Variants in CSRNP3 observed in about 807,000 individuals in gnomAD.
The protein encoded by CSRNP3 is cysteine/serine-rich nuclear protein 3.
CSRNP3 carries 12 observed loss-of-function variants against 48.0 expected under a neutral mutation model. The observed-to-expected ratio is 0.25, with a 90% CI of 0.16 to 0.41. CSRNP3 has a LOEUF of 0.41. Among genes scored for constraint, CSRNP3 ranks in the 10% least tolerant of loss-of-function variants. The pLI is 1.00. For synonymous variants in CSRNP3, 263 were observed against 269.7 expected (o/e 0.98, Z 0.24); for missense variants, 580 against 724.4 (o/e 0.80, Z 2.29).
At chr2:165,525,616 G>A (rs1453873506) in intron 3 of CSRNP3, among the ~76,000 whole-genome samples, 4 of 151,440 alleles carry the variant, frequency 2.6e-5, no homozygotes, top group African/African-American at 9.7e-5. Flanking sequence ...CTCCCAAAAA[G>A]CTGGGACTAC....
rs552180385 is a variant in CSRNP3 at position 165,478,359 on chromosome 2, A to G, written c.-283+8619A>G. Among the ~76,000 whole-genome samples the G allele has an allele frequency of 2.6e-5, 4 of 152,332 alleles. No homozygotes were observed. The South Asian group carries it at 8.3e-4, about 32-fold the overall frequency. Reference sequence around the variant, plus strand: ...TGTGTTCATTCTTCATCAGAGTAATATATTCAATTTTTAAAAATTTTCACT... The same window carrying G: ...TGTGTTCATTCTTCATCAGAGTAATGTATTCAATTTTTAAAAATTTTCACT... On this transcript the variant is annotated intron_variant, in intron 1 of 6. Transcript: ENST00000651982.
intron 3 of CSRNP3, among the ~76,000 whole-genome samples, chr2:165,540,142 G>A (rs1393363234): frequency 6.6e-6 from 1 of 152,092 alleles, no homozygotes; most frequent in African/African-American, 2.4e-5. Flanking sequence ...GCAAGGTGTT[G>A]GCAAGCAACC....
Position 165,552,941 on chromosome 2 carries a change from A to C in CSRNP3, c.-24+34980A>C, listed in dbSNP as rs544883740. Among the ~76,000 whole-genome samples the C allele has an allele frequency of 9.9e-5, 15 of 152,054 alleles. No homozygotes were observed. In the South Asian group the frequency reaches 3.1e-3, roughly 32 times the overall value. On this transcript the variant is annotated intron_variant, in intron 3 of 6. Coordinates refer to ENST00000651982, the MANE Select transcript of CSRNP3 (RefSeq NM_001172173.2). ...ATGCCTGACCTCAGATGATATGCCT[A>C]CCTCGGCCTCCCACAGTGCTGGGAT...
chr2:165,655,904 C>A (rs1268265054), intron 4 of CSRNP3, among the ~76,000 whole-genome samples: 1 of 152,178 alleles, frequency 6.6e-6, no homozygotes, highest in African/African-American at 2.4e-5. Flanking sequence ...ACCCTAGTGA[C>A]CTCATTTTAA....
intron 3 of CSRNP3, among the ~76,000 whole-genome samples, chr2:165,557,605 T>C (rs1006021953): frequency 7.2e-5 from 11 of 151,820 alleles, no homozygotes; most frequent in African/African-American, 2.7e-4. Flanking sequence ...AGGAGGGAGC[T>C]CCCCCCACAA....
At chr2:165,482,840 T>A (rs1044531507) in intron 1 of CSRNP3, among the ~76,000 whole-genome samples, 1 of 152,086 alleles carries the variant, frequency 6.6e-6, no homozygotes, top group Admixed American at 6.6e-5. Flanking sequence ...CACCTTATAT[T>A]CCCAGGACTG....
At chr2:165,588,464 A>T (rs1239688248) in intron 3 of CSRNP3, among the ~76,000 whole-genome samples, 12 of 152,240 alleles carry the variant, frequency 7.9e-5, no homozygotes, top group Non-Finnish European at 1.5e-5. Flanking sequence ...TGGATGCGAG[A>T]GAATAATTGG....
intron 3 of CSRNP3, among the ~76,000 whole-genome samples, chr2:165,593,727 G>C (rs1685762112): frequency 6.6e-6 from 1 of 152,250 alleles, no homozygotes; most frequent in Non-Finnish European, 1.5e-5. Context: ...TACTCTGGCG[G>C]AAAAAGGAGA....
chr2:165,572,446 G>A (rs548408514), intron 3 of CSRNP3: 95 of 152,244 alleles, frequency 6.2e-4, no homozygotes, highest in African/African-American at 2.2e-3. Flanking sequence ...ATAAAACACA[G>A]GGCTGGGAAA....
At position 165,676,986 on chromosome 2, in the gene CSRNP3, A is replaced by G. The variant is rs542621833; in HGVS notation, c.705+378A>G. On this transcript the variant is annotated intron_variant, in intron 6 of 6. Transcript: ENST00000651982. Reference sequence around the variant, plus strand: ...GTATTTTCTGATCCATCCATGGGATATAAAATGATGATTGATTAAAGGTGG... The same window carrying G: ...GTATTTTCTGATCCATCCATGGGATGTAAAATGATGATTGATTAAAGGTGG... 5.3e-5 allele frequency among the ~76,000 whole-genome samples: 8 copies of G among 152,334 alleles called. No individual in the cohort carries two copies. In the East Asian group the frequency reaches 1.5e-3, roughly 29 times the overall value.
At chr2:165,606,141 AT>A (rs931124533) in intron 4 of CSRNP3, among the ~76,000 whole-genome samples, 4 of 151,892 alleles carry the variant, frequency 2.6e-5, no homozygotes, top group Non-Finnish European at 5.9e-5. Context: ...ATACAAAAAA[AT>A]AGGAAAATAT....
At chr2:165,629,187 T>C (rs1445645662) in intron 4 of CSRNP3, among the ~76,000 whole-genome samples, 1 of 152,194 alleles carries the variant, frequency 6.6e-6, no homozygotes, top group African/African-American at 2.4e-5. Context: ...TCACAGATAA[T>C]CTCTGAAACT....
At chr2:165,662,500 A>G (rs1374544068) in intron 5 of CSRNP3, among the ~76,000 whole-genome samples, 3 of 152,226 alleles carry the variant, frequency 2.0e-5, no homozygotes, top group African/African-American at 4.8e-5. Flanking sequence ...CAAACATGTC[A>G]TACTCTTCAC....
intron 2 of CSRNP3, among the ~76,000 whole-genome samples, chr2:165,501,829 G>GA (rs1180694689): frequency 6.6e-6 from 1 of 151,804 alleles, no homozygotes. Flanking sequence ...CAGATTTATT[G>GA]AAAAAAAGTT....
chr2:165,506,985 T>C (rs1353319188), intron 2 of CSRNP3, among the ~76,000 whole-genome samples: 2 of 152,124 alleles, frequency 1.3e-5, no homozygotes, highest in African/African-American at 4.8e-5. Context: ...TATTAGTAAT[T>C]CACTTTGATC....
At chr2:165,676,112 G>A (rs916293421) in intron 5 of CSRNP3, among the ~76,000 whole-genome samples, 200 bp from the exon 6 acceptor site, 30 of 152,022 alleles carry the variant, frequency 2.0e-4, no homozygotes, top group Non-Finnish European at 3.7e-4. Flanking sequence ...TCTGTTACCC[G>A]TACATTTAAA....
intron 2 of CSRNP3, among the ~76,000 whole-genome samples, chr2:165,503,343 G>T (rs372433418): frequency 1.3e-5 from 2 of 151,824 alleles, no homozygotes; most frequent in East Asian, 1.9e-4. Context: ...ATTTATTTGT[G>T]ATTCTGTTCC....
intron 4 of CSRNP3, among the ~76,000 whole-genome samples, chr2:165,628,585 G>A (rs532539604): frequency 1.0e-3 from 155 of 152,102 alleles, no homozygotes; most frequent in African/African-American, 3.6e-3. Context: ...TTAGCTGGGC[G>A]TGGTGGTGGG....
chr2:165,619,368 C>G (rs1686302317), intron 4 of CSRNP3, among the ~76,000 whole-genome samples: 1 of 152,114 alleles, frequency 6.6e-6, no homozygotes, highest in Admixed American at 6.5e-5. Context: ...AAAACTACAA[C>G]TATGGAGTCA....
Sources: allele counts gnomAD v4.1 joint callset (sites outside exome capture counted in the v4.1 genomes callset), GRCh38; gene constraint gnomAD v4.1.1; transcripts MANE v1.5; gene names NCBI Gene and HGNC (gene_info 2026-07-23, HGNC 2026-07-21).